The following RAB40B variants were observed in gnomAD, a reference collection of about 807,000 sequenced individuals.
RAB40B encodes RAB40B, member RAS oncogene family, also known as ras-related protein Rab-40B.
RAB40B carries 21 observed loss-of-function variants against 24.0 expected under a neutral mutation model. The ratio of observed to expected loss-of-function variants is 0.88; its 90% CI spans 0.62 to 1.26. The LOEUF is 1.26. Ranked by LOEUF, RAB40B falls within the 50% of genes most tolerant of loss-of-function variation. The probability of loss-of-function intolerance (pLI) is 0.00; values close to 1 mark genes in which losing one functional copy is unlikely to be tolerated. For missense variants in RAB40B, 348 were observed against 390.5 expected (o/e 0.89, Z 0.92); for synonymous variants, 167 against 169.8 (o/e 0.98, Z 0.13).
intron 1 of RAB40B, among the ~76,000 whole-genome samples, chr17:82,668,680 G>A (rs965463308): frequency 6.6e-6 from 1 of 152,256 alleles, no homozygotes; most frequent in African/African-American, 2.4e-5. Context: ...AGTGAGGAGA[G>A]GCCAGGCATT....
Position 82,692,430 on chromosome 17 carries a change from A to T in RAB40B, c.142+6025T>A, listed in dbSNP as rs2046567853. On this transcript the variant is annotated intron_variant, in intron 1 of 5. Coordinates refer to ENST00000571995, the MANE Select transcript of RAB40B (RefSeq NM_006822.3). This position sits in a 1 kb window ranked among gnomAD's most constrained non-coding sequence, Gnocchi z 4.0. Reference sequence around the variant, plus strand: ...CCTGGGCACAGCTGCCTGAGCAAGGACAAGATGCATCTGACTGCCCTGGCC... The same window carrying T: ...CCTGGGCACAGCTGCCTGAGCAAGGTCAAGATGCATCTGACTGCCCTGGCC... 6.6e-6 allele frequency among the ~76,000 whole-genome samples: 1 copy of T among 152,218 alleles called. No individual in the cohort carries two copies. The highest frequency in any genetic ancestry group is 1.5e-5 in the Non-Finnish European group (1 of 68,038).
At chr17:82,660,757 G>A (rs919245622) in intron 3 of RAB40B, among the ~76,000 whole-genome samples, 20 of 152,182 alleles carry the variant, frequency 1.3e-4, no homozygotes, top group Non-Finnish European at 2.5e-4. Flanking sequence ...CTGCACACAC[G>A]TGTACATGCA....
chr17:82,671,493 T>A (rs2046335083), intron 1 of RAB40B, among the ~76,000 whole-genome samples: 1 of 97,680 alleles, frequency 1.0e-5, no homozygotes, highest in South Asian at 4.2e-4. Context: ...ACATGCTCCC[T>A]GTACTCACTG....
rs1252175786 is a variant in RAB40B at position 82,671,485 on chromosome 17, ATG to A, written c.143-6931_143-6930del. On this transcript the variant is annotated intron_variant, in intron 1 of 5. Coordinates refer to ENST00000571995, the MANE Select transcript of RAB40B (RefSeq NM_006822.3). ...CCCTGTAACTCTAACACACACTCACATGCTCCCTGTACTCACTGACACACCCC... is the reference window on the plus strand; with the variant it reads ...CCCTGTAACTCTAACACACACTCACACTCCCTGTACTCACTGACACACCCC... Among the ~76,000 whole-genome samples the A allele has an allele frequency of 6.3e-3, 753 of 118,628 alleles. 1 individual carries two copies. Among genetic ancestry groups the A allele is most frequent in the Middle Eastern group, 0.017 (2 of 118 alleles). 77.8% of individuals were successfully genotyped at this position (118,628 alleles called of 152,430 possible).
At chr17:82,685,200 C>T (rs1056298909) in intron 1 of RAB40B, among the ~76,000 whole-genome samples, 6 of 124,590 alleles carry the variant, frequency 4.8e-5, no homozygotes, top group Admixed American at 1.8e-4. Flanking sequence ...AGAGAGGAAG[C>T]GGGAGAGGAA....
intron 1 of RAB40B, among the ~76,000 whole-genome samples, chr17:82,674,358 G>A (rs183268532): frequency 5.3e-5 from 8 of 149,758 alleles, no homozygotes; most frequent in Admixed American, 3.3e-4. Flanking sequence ...AAGACCAGGC[G>A]TGGTGGTTCA....
chr17:82,659,107 A>C, intron 4 of RAB40B: 1 of 251,258 alleles, frequency 4.0e-6, no homozygotes. Flanking sequence ...GGCCTCCAGA[A>C]CCGTGAGAGA....
chr17:82,698,603 G>T lies in RAB40B; in HGVS notation c.-7C>A, dbSNP rs762974804. On this transcript the variant is annotated 5_prime_UTR_variant, in exon 1 of 6. Coordinates refer to ENST00000571995, the MANE Select transcript of RAB40B (RefSeq NM_006822.3). ...GGCTGCCCAGGGCGCTCATCGTGAC[G>T]GCCCGGCGCCCCCACCCATGCCCGG... 2 of 1,447,542 alleles carry T rather than the reference G, an allele frequency of 1.4e-6. No individual in the cohort carries two copies. Among genetic ancestry groups the T allele is most frequent in the Admixed American group, 2.1e-5 (1 of 48,114 alleles). The allele number at this position is 1,447,542 out of a possible 1,614,324, so 89.7% of individuals were successfully genotyped here.
rs74923719 is a variant in RAB40B, at chr17:82,676,499, G to A, written c.143-11943C>T. Among the ~76,000 whole-genome samples the A allele has an allele frequency of 8.1e-3, 1,119 of 138,268 alleles. 9 individuals carry two copies. The highest frequency in any genetic ancestry group is 0.03 in the African/African-American group (1,076 of 35,384). 90.7% of individuals were successfully genotyped at this position (138,268 alleles called of 152,430 possible). ...CTCTCCTCACCCACACACCAATTCC[G>A]TGGCGAGTCTCTCGGCTCTTCCCAG... On this transcript the variant is annotated intron_variant, in intron 1 of 5. Coordinates refer to ENST00000571995, the MANE Select transcript of RAB40B (RefSeq NM_006822.3).
In RAB40B at chr17:82,667,362, C is replaced by T. The variant is rs963913687; in HGVS notation, c.143-2806G>A. Among the ~76,000 whole-genome samples, 1 of 152,242 alleles carries T rather than the reference C, an allele frequency of 6.6e-6. No individual in the cohort carries two copies. Among genetic ancestry groups the T allele is most frequent in the Non-Finnish European group, 1.5e-5 (1 of 68,046 alleles). ...GGCAGGCCTGGGCGTTGCAGCAGCT[C>T]TGGGCCTCTGTCCTCCACTTTCCAC... On this transcript the variant is annotated intron_variant, in intron 1 of 5. Coordinates refer to ENST00000571995, the MANE Select transcript of RAB40B (RefSeq NM_006822.3). This position sits in a 1 kb window ranked among gnomAD's most constrained non-coding sequence, Gnocchi z 4.3.
intron 3 of RAB40B, among the ~76,000 whole-genome samples, chr17:82,660,685 TGTAC>T (rs201618975): frequency 1.5e-4 from 8 of 52,098 alleles, no homozygotes; most frequent in African/African-American, 5.2e-4. Flanking sequence ...TGCACACACA[TGTAC>T]ACACACACAC....
At position 82,658,603 on chromosome 17, in the gene RAB40B, G is replaced by C. The variant is rs759097175; in HGVS notation, c.453C>G (p.Thr151=). 2.2e-5 allele frequency: 36 copies of C among 1,613,520 alleles called. No individual in the cohort carries two copies. In the Admixed American group the frequency reaches 4.3e-4, roughly 19 times the overall value. The change falls in exon 5 of 6, where the codon ACC becomes ACG. Residue 151 remains threonine, a synonymous_variant. Transcript: ENST00000571995. ...TGCACAGAGGGCTGACCTCAAAGAA[G>C]GTCACGCCCAGGCGCTCGGCGTAGG... ...AQAYAERLGV[T]FFEVSPLCNF...
rs757597177 is a variant in RAB40B at position 82,656,151 on chromosome 17, G to A, written c.*1712C>T. 3.3e-5 allele frequency: 5 copies of A among 151,876 alleles called. No homozygotes were observed. The highest frequency in any genetic ancestry group is 1.3e-4 in the Admixed American group (2 of 15,232). 9.4% of individuals were successfully genotyped at this position (151,876 alleles called of 1,614,324 possible). On this transcript the variant is annotated 3_prime_UTR_variant, in exon 6 of 6. Transcript: ENST00000571995. ...TTTATTAGAGACGGGGTTTCATCAC[G>A]TTGGCCAGACTGGTCTTGAACTCCT...
chr17:82,687,401 A>G (rs912458816), intron 1 of RAB40B, among the ~76,000 whole-genome samples: 2 of 152,100 alleles, frequency 1.3e-5, no homozygotes, highest in Non-Finnish European at 2.9e-5. Flanking sequence ...TTTTAGTCAA[A>G]CAAAATGCCA....
At chr17:82,677,069 C>T (rs2046402040) in intron 1 of RAB40B, among the ~76,000 whole-genome samples, 1 of 152,106 alleles carries the variant, frequency 6.6e-6, no homozygotes, top group African/African-American at 2.4e-5. Context: ...CTGCCTCAGC[C>T]TCCCGAGTAG....
At chr17:82,680,533 A>C (rs1401808541) in intron 1 of RAB40B, among the ~76,000 whole-genome samples, 2 of 152,222 alleles carry the variant, frequency 1.3e-5, no homozygotes, top group East Asian at 3.8e-4. Context: ...CTTATTTAAA[A>C]TCAAGTCATT....
At chr17:82,659,862 G>A (rs2046139782) in intron 3 of RAB40B, 1 of 550,400 alleles carries the variant, frequency 1.8e-6, no homozygotes, top group Non-Finnish European at 3.3e-6. Context: ...AAATGTCACG[G>A]TGATCTGGGG....
chr17:82,698,106 AG>A (rs956053641), intron 1 of RAB40B, among the ~76,000 whole-genome samples: 1 of 151,654 alleles, frequency 6.6e-6, no homozygotes, highest in African/African-American at 2.4e-5. Context: ...CCAGGTCGGG[AG>A]GAGCCCAGCG....
intron 1 of RAB40B, among the ~76,000 whole-genome samples, chr17:82,674,935 C>T (rs540855427): frequency 3.3e-5 from 5 of 152,272 alleles, no homozygotes; most frequent in Admixed American, 6.5e-5. Context: ...AATCCAGCCA[C>T]GCCTGAAACT....
Sources: gnomAD v4.1 joint callset for allele counts (sites outside exome capture counted in the v4.1 genomes callset) on GRCh38, gnomAD v4.1.1 for gene constraint, Gnocchi (gnomAD v3.1) non-coding constraint, MANE v1.5 for transcripts, NCBI Gene and HGNC (gene_info 2026-07-23, HGNC 2026-07-21) for gene names.